CEP78: variants seen among roughly 807,000 people sequenced by gnomAD.
CEP78 encodes centrosomal protein 78, also known as centrosomal protein of 78 kDa.
A neutral mutation model predicts 81.2 loss-of-function variants in CEP78; 76 were observed. That is an observed-to-expected ratio of 0.94 (90% CI 0.78 to 1.13). The LOEUF is 1.13. CEP78 is among the 50% of genes most tolerant of loss of function. The pLI is 0.00. For synonymous variants in CEP78, 293 were observed against 301.4 expected (o/e 0.97, Z 0.29); for missense variants, 918 against 846.8 (o/e 1.08, Z -1.04).
chr9:78,261,556 G>A (rs547696957), intron 11 of CEP78, among the ~76,000 whole-genome samples: 7 of 152,242 alleles, frequency 4.6e-5, no homozygotes, highest in African/African-American at 1.7e-4. Flanking sequence ...CTTTAAAGGA[G>A]TAATGAGGAG....
Position 78,278,428 on chromosome 9 carries a change from A to G in CEP78, c.*7577A>G, listed in dbSNP as rs1179113861. 1 of 152,270 alleles carries G rather than the reference A, an allele frequency of 6.6e-6. No individual in the cohort carries two copies. Among genetic ancestry groups the G allele is most frequent in the Admixed American group, 6.5e-5 (1 of 15,288 alleles). 9.4% of individuals were successfully genotyped at this position (152,270 alleles called of 1,614,324 possible). ...TAAAAATGAAGCTTTCTGCAAAGTT[A>G]AAAGTAGTAGTCCTGGCCCCACCTT... On this transcript the variant is annotated 3_prime_UTR_variant, in exon 17 of 17. Coordinates refer to ENST00000643273, the MANE Select transcript of CEP78 (RefSeq NM_001330691.3).
At chr9:78,264,059 A>G in intron 12 of CEP78, 91 bp from the exon 13 acceptor site, 2 of 946,108 alleles carry the variant, frequency 2.1e-6, no homozygotes, top group Non-Finnish European at 2.9e-6. Flanking sequence ...AATTAATTAC[A>G]TTTTTAAAAT....
chr9:78,266,200 T>A (rs1288718101), intron 15 of CEP78, among the ~76,000 whole-genome samples: 2 of 152,072 alleles, frequency 1.3e-5, no homozygotes, highest in African/African-American at 4.8e-5. Flanking sequence ...TAAGGTTCTT[T>A]TTTTTTTAAT....
In CEP78 at chr9:78,262,951, G is replaced by T; in HGVS notation, c.1425G>T (p.Val475=). Residue 475 remains valine (V), a synonymous_variant, in exon 12 of 17, where the codon GTG becomes GTT. Transcript: ENST00000643273. The part of the protein sequence containing the change: ...ECLKQLKEER[V]IRLKVDKRVS... ...TAAAGCAGTTAAAGGAAGAAAGAGT[G>T]ATAAGGCTTAAGGTTGATAAACGAG... The T allele has an allele frequency of 6.5e-7, 1 of 1,547,316 alleles. No homozygotes were observed. Among genetic ancestry groups the T allele is most frequent in the South Asian group, 1.2e-5 (1 of 83,328 alleles).
intron 3 of CEP78, among the ~76,000 whole-genome samples, chr9:78,241,380 T>C (rs1826220291): frequency 6.6e-6 from 1 of 152,222 alleles, no homozygotes; most frequent in African/African-American, 2.4e-5. Context: ...GGAAGAGTTT[T>C]ATTTTTTTTA....
In CEP78 at chr9:78,236,422, G is replaced by T. The variant is rs546848947; in HGVS notation, c.72G>T (p.Ala24=). Residue 24 remains alanine (A), a synonymous_variant, in exon 1 of 17, where the codon GCG becomes GCT. Coordinates refer to ENST00000643273, the MANE Select transcript of CEP78 (RefSeq NM_001330691.3). ...DFFSHYEYLC[A]LQNSVPLPAV... ...TCTCCCACTACGAGTACCTGTGCGC[G>T]CTGCAGAACTCGGTGCCGCTGCCCG... The T allele has an allele frequency of 1.2e-5, 19 of 1,600,968 alleles. No individual in the cohort carries two copies. The East Asian group carries it at 4.1e-4, about 34-fold the overall frequency.
At chr9:78,270,801 A>T in intron 16 of CEP78, 40 bp from the exon 17 acceptor site, 1 of 668,578 alleles carries the variant, frequency 1.5e-6, no homozygotes, top group Non-Finnish European at 2.7e-6. Context: ...ATGCTGGAAC[A>T]TTAACATGGA....
chr9:78,261,575 C>G (rs918423465), intron 11 of CEP78, among the ~76,000 whole-genome samples: 1 of 152,170 alleles, frequency 6.6e-6, no homozygotes, highest in African/African-American at 2.4e-5. Context: ...AGGGAACTTT[C>G]ATAAATATGT....
chr9:78,243,949 T>C (rs1826358194), intron 5 of CEP78, among the ~76,000 whole-genome samples: 1 of 152,054 alleles, frequency 6.6e-6, no homozygotes, highest in Admixed American at 6.5e-5. Flanking sequence ...AGAACTATAG[T>C]GCACTTACCA....
chr9:78,236,245 A>C lies in CEP78; in HGVS notation c.-106A>C, dbSNP rs1172227719. The C allele has an allele frequency of 5.9e-5, 58 of 989,232 alleles. 1 individual carries two copies. The Admixed American group carries it at 1.5e-3, about 25-fold the overall frequency. 61.3% of individuals were successfully genotyped at this position (989,232 alleles called of 1,614,324 possible). On this transcript the variant is annotated 5_prime_UTR_variant, in exon 1 of 17. Transcript: ENST00000643273. ...CTGAGCCCGGTGCGGGGCTGCCGCT[A>C]TCGCCTGGCCGTGGGTGCCGGAGCG...
intron 4 of CEP78, among the ~76,000 whole-genome samples, chr9:78,242,891 C>T (rs561318037): frequency 2.3e-4 from 35 of 152,220 alleles, no homozygotes; most frequent in African/African-American, 8.4e-4. Context: ...TGTGCATACC[C>T]TAAGAAATAT....
chr9:78,256,178 A>G (rs1394135090), intron 11 of CEP78, among the ~76,000 whole-genome samples: 1 of 152,238 alleles, frequency 6.6e-6, no homozygotes, highest in East Asian at 1.9e-4. Context: ...GAATATACAC[A>G]GGGGAAGCCT....
rs1294817734 is a variant in CEP78, at chr9:78,277,586, A to G, written c.*6735A>G. ...TGGCAGATTATTAAAGATTGGTGAT[A>G]GTGCTGGAGATAATGTGAGGAAAGG... On this transcript the variant is annotated 3_prime_UTR_variant, in exon 17 of 17. Coordinates refer to ENST00000643273, the MANE Select transcript of CEP78 (RefSeq NM_001330691.3). 6.6e-6 allele frequency: 1 copy of G among 152,222 alleles called. No individual in the cohort carries two copies. The highest frequency in any genetic ancestry group is 1.5e-5 in the Non-Finnish European group (1 of 68,018). 9.4% of individuals were successfully genotyped at this position (152,222 alleles called of 1,614,324 possible).
chr9:78,265,899 T>C lies in CEP78; in HGVS notation c.1838T>C (p.Leu613Pro). 1 of 1,373,632 alleles carries C rather than the reference T, an allele frequency of 7.3e-7. No individual in the cohort carries two copies. Among genetic ancestry groups the C allele is most frequent in the Non-Finnish European group, 1.0e-6 (1 of 984,446 alleles). The allele number at this position is 1,373,632 out of a possible 1,614,324, so 85.1% of individuals were successfully genotyped here. ...CAGTCAGCTTACAATGAAGGAACAC[T>C]AATGAAGGTACAAGTACTGATATAG... Reference protein sequence around the residue: ...CMQSAYNEGTLMKFQKITGDA... With the variant: ...CMQSAYNEGTPMKFQKITGDA... The change falls in exon 15 of 17, where the codon CTA (leucine) becomes CCA (proline). Residue 613 changes from leucine to proline, a missense_variant. Coordinates refer to ENST00000643273, the MANE Select transcript of CEP78 (RefSeq NM_001330691.3).
At chr9:78,241,033 A>G (rs1275575007) in intron 3 of CEP78, among the ~76,000 whole-genome samples, 2 of 152,206 alleles carry the variant, frequency 1.3e-5, no homozygotes, top group African/African-American at 4.8e-5. Flanking sequence ...GCACTGTGGT[A>G]TGTTCCAAAA....
Position 78,279,022 on chromosome 9 carries a change from G to A in CEP78, c.*8171G>A, listed in dbSNP as rs556610079. On this transcript the variant is annotated 3_prime_UTR_variant, in exon 17 of 17. Transcript: ENST00000643273. Reference sequence around the variant, plus strand: ...GGCTGAAAGGGCTCAGAGAATGCCCGAGTTCTCTTAGTACAGTTTGTACAT... The same window carrying A: ...GGCTGAAAGGGCTCAGAGAATGCCCAAGTTCTCTTAGTACAGTTTGTACAT... 8.2e-5 allele frequency: 12 copies of A among 145,772 alleles called. No homozygotes were observed. Among genetic ancestry groups the A allele is most frequent in the Non-Finnish European group, 1.5e-4 (10 of 67,584 alleles). The allele number at this position is 145,772 out of a possible 1,614,324, so 9.0% of individuals were successfully genotyped here.
chr9:78,257,428 C>T (rs150777597), intron 11 of CEP78, among the ~76,000 whole-genome samples: 380 of 152,138 alleles, frequency 2.5e-3, no homozygotes, highest in African/African-American at 8.9e-3. Context: ...AACATAGTCC[C>T]GCAAAATGAG....
Position 78,254,882 on chromosome 9 carries a change from C to T in CEP78, c.1298C>T (p.Ser433Phe). ...GTGACAGTAGAGAGTCCTTCATCCT[C>T]TGAAGTTGAAGAGGTTGATGATTCT... ...VTVTVESPSS[S>F]EVEEVDDSSE... Residue 433 changes from serine (S) to phenylalanine (F), a missense_variant, in exon 11 of 17, where the codon TCT becomes TTT. Coordinates refer to ENST00000643273, the MANE Select transcript of CEP78 (RefSeq NM_001330691.3). The T allele has an allele frequency of 6.2e-7, 1 of 1,611,748 alleles. No homozygotes were observed. Among genetic ancestry groups the T allele is most frequent in the Non-Finnish European group, 8.5e-7 (1 of 1,178,344 alleles).
chr9:78,239,749 A>G (rs1018714486), intron 1 of CEP78, among the ~76,000 whole-genome samples: 1 of 152,160 alleles, frequency 6.6e-6, no homozygotes, highest in Non-Finnish European at 1.5e-5. Flanking sequence ...TGGTTAATGC[A>G]TCACCCACTC....
Sources: allele counts gnomAD v4.1 joint callset (sites outside exome capture counted in the v4.1 genomes callset), GRCh38; gene constraint gnomAD v4.1.1; transcripts MANE v1.5; gene names NCBI Gene and HGNC (gene_info 2026-07-23, HGNC 2026-07-21).